MDGA2: variants seen among roughly 807,000 people sequenced by gnomAD.
The protein encoded by MDGA2 is MAM domain containing glycosylphosphatidylinositol anchor 2.
A neutral mutation model predicts 117.8 loss-of-function variants in MDGA2; 40 were observed. The ratio of observed to expected loss-of-function variants is 0.34; its 90% confidence interval spans 0.26 to 0.44. The LOEUF (loss-of-function observed/expected upper bound fraction) is 0.44, where lower values mean the gene tolerates loss of function less well. MDGA2 is among the 20% of genes least tolerant of loss of function. The pLI, the probability that MDGA2 is intolerant of heterozygous loss-of-function variation, is 1.00. For missense variants in MDGA2, 1,123 were observed against 1,250.6 expected (o/e 0.90, Z 1.54); for synonymous variants, 452 against 439.0 (o/e 1.03, Z -0.37).
intron 2 of MDGA2, among the ~76,000 whole-genome samples, chr14:47,249,158 C>T (rs1887358818): frequency 6.6e-6 from 1 of 151,946 alleles, no homozygotes; most frequent in Non-Finnish European, 1.5e-5. Flanking sequence ...GATGGGACTA[C>T]AGGCACGCAC....
chr14:46,899,980 T>G (rs146149818), intron 10 of MDGA2, among the ~76,000 whole-genome samples: 1,987 of 151,942 alleles, frequency 0.013, 38 homozygotes, highest in African/African-American at 0.046. Context: ...AAGAAAAAAA[T>G]AAACAAAGTA....
chr14:47,590,631 T>C (rs61488455), intron 1 of MDGA2, among the ~76,000 whole-genome samples: 7,659 of 151,998 alleles, frequency 0.05, 641 homozygotes, highest in African/African-American at 0.17. Context: ...AATAATTTAT[T>C]GTACATTTTA....
chr14:47,311,344 T>C (rs1459583836), intron 1 of MDGA2, among the ~76,000 whole-genome samples: 1 of 152,098 alleles, frequency 6.6e-6, no homozygotes, highest in African/African-American at 2.4e-5. Context: ...ATGACAACAA[T>C]GAAAACTTCA....
At chr14:46,881,029 C>G (rs1017015332) in intron 11 of MDGA2, among the ~76,000 whole-genome samples, 1 of 151,524 alleles carries the variant, frequency 6.6e-6, no homozygotes, top group Non-Finnish European at 1.5e-5. Flanking sequence ...CACACACACA[C>G]ACACACACAC....
chr14:47,034,239 A>T (rs1888760273), intron 8 of MDGA2, among the ~76,000 whole-genome samples: 2 of 152,182 alleles, frequency 1.3e-5, no homozygotes, highest in Admixed American at 1.3e-4. Flanking sequence ...GGTACATTTT[A>T]TTGACCATTA....
intron 10 of MDGA2, among the ~76,000 whole-genome samples, chr14:46,919,626 G>T (rs970190830): frequency 3.3e-5 from 5 of 152,028 alleles, no homozygotes; most frequent in Non-Finnish European, 7.4e-5. Flanking sequence ...TACAACTTCT[G>T]GCTTCTTAGG....
At chr14:47,401,988 G>T (rs568504445) in intron 1 of MDGA2, among the ~76,000 whole-genome samples, 3 of 152,274 alleles carry the variant, frequency 2.0e-5, no homozygotes, top group African/African-American at 4.8e-5. Flanking sequence ...CTAAAAGTAT[G>T]AAAATACAAT....
intron 1 of MDGA2, among the ~76,000 whole-genome samples, chr14:47,485,778 C>G (rs1038203841): frequency 1.3e-5 from 2 of 152,178 alleles, no homozygotes; most frequent in African/African-American, 4.8e-5. Flanking sequence ...GGATGCAAGC[C>G]TTAAGCCTTG....
chr14:47,043,185 A>C (rs1286399311), intron 7 of MDGA2, among the ~76,000 whole-genome samples: 2 of 152,110 alleles, frequency 1.3e-5, no homozygotes, highest in African/African-American at 4.8e-5. Flanking sequence ...AAAAAATCCA[A>C]CATGCTAGAC....
chr14:47,356,982 A>G (rs550976630), intron 1 of MDGA2, among the ~76,000 whole-genome samples: 1 of 152,332 alleles, frequency 6.6e-6, no homozygotes, highest in South Asian at 2.1e-4. Flanking sequence ...GCTCCATTGG[A>G]AAAATAAATC....
intron 2 of MDGA2, among the ~76,000 whole-genome samples, chr14:47,273,317 C>A (rs1048527680): frequency 6.6e-6 from 1 of 152,118 alleles, no homozygotes; most frequent in African/African-American, 2.4e-5. Context: ...TGGAATCTTT[C>A]AGTAAAACCA....
chr14:47,592,256 G>A (rs979678376), intron 1 of MDGA2, among the ~76,000 whole-genome samples: 2 of 151,906 alleles, frequency 1.3e-5, no homozygotes, highest in East Asian at 3.9e-4. Context: ...ACAAACAAAT[G>A]GAAAAACATT....
intron 1 of MDGA2, among the ~76,000 whole-genome samples, chr14:47,665,510 G>A (rs1171109640): frequency 3.3e-5 from 5 of 152,156 alleles, no homozygotes; most frequent in East Asian, 1.9e-4. Flanking sequence ...CGGCTCCCTC[G>A]GCTTGTGGGG....
intron 1 of MDGA2, among the ~76,000 whole-genome samples, chr14:47,645,555 C>A (rs1897513232): frequency 6.6e-6 from 1 of 151,788 alleles, no homozygotes; most frequent in African/African-American, 2.4e-5. Context: ...TTATGATTCA[C>A]AATTCTTATA....
chr14:47,451,548 T>G (rs1444668217), intron 1 of MDGA2, among the ~76,000 whole-genome samples: 1 of 152,080 alleles, frequency 6.6e-6, no homozygotes, highest in Non-Finnish European at 1.5e-5. Context: ...AAAGGAATCT[T>G]TGAGGCTAAT....
intron 1 of MDGA2, among the ~76,000 whole-genome samples, chr14:47,375,376 CA>C (rs1423254199): frequency 6.6e-6 from 1 of 151,970 alleles, no homozygotes; most frequent in Non-Finnish European, 1.5e-5. Flanking sequence ...TCTTCAATGG[CA>C]GGTGATGGGA....
chr14:47,070,340 T>C (rs1222273914), intron 6 of MDGA2, among the ~76,000 whole-genome samples: 1 of 152,044 alleles, frequency 6.6e-6, no homozygotes, highest in Admixed American at 6.6e-5. Context: ...TTTAGAGAAA[T>C]TGTAAATTCT....
intron 1 of MDGA2, among the ~76,000 whole-genome samples, chr14:47,522,175 ACTTT>A (rs1167788322): frequency 1.3e-5 from 2 of 152,176 alleles, no homozygotes; most frequent in Non-Finnish European, 2.9e-5. Flanking sequence ...TTTGCATTTC[ACTTT>A]CTTTATACAG....
chr14:47,286,819 ATATATACATATATATATG>A (rs1392467610), intron 2 of MDGA2, among the ~76,000 whole-genome samples: 3 of 118,190 alleles, frequency 2.5e-5, no homozygotes, highest in Non-Finnish European at 3.8e-5. Context: ...ATATATATAT[ATATATACATATATATATG>A]TATATATATA....
Sources: allele counts gnomAD v4.1 joint callset (sites outside exome capture counted in the v4.1 genomes callset), GRCh38; gene constraint gnomAD v4.1.1; transcripts MANE v1.5; gene names NCBI Gene and HGNC (gene_info 2026-07-23, HGNC 2026-07-21).